Variants in CREB5 observed in about 807,000 individuals in gnomAD.
CREB5 encodes the protein cAMP responsive element binding protein 5, also known as cyclic AMP-responsive element-binding protein 5.
CREB5 carries 19 observed loss-of-function variants against 57.1 expected under a neutral mutation model. The ratio of observed to expected loss-of-function variants is 0.33; its 90% CI spans 0.23 to 0.49. The LOEUF is 0.49. CREB5 is among the 20% of genes least tolerant of loss of function. CREB5 has a pLI of 0.99. For missense variants in CREB5, 579 were observed against 671.6 expected (o/e 0.86, Z 1.52); for synonymous variants, 238 against 238.3 (o/e 1.00, Z 0.01).
chr7:28,440,054 A>G (rs1789121374), intron 1 of CREB5, among the ~76,000 whole-genome samples: 1 of 152,180 alleles, frequency 6.6e-6, no homozygotes, highest in South Asian at 2.1e-4. Context: ...GTTGAAAAAC[A>G]CTTTCTTCCA....
chr7:28,684,394 G>A (rs1800746623), intron 5 of CREB5, among the ~76,000 whole-genome samples: 1 of 152,216 alleles, frequency 6.6e-6, no homozygotes. Context: ...AATTGAGGAT[G>A]TCAAGCCAAA....
intron 1 of CREB5, among the ~76,000 whole-genome samples, chr7:28,482,334 GTTA>G (rs1289264074): frequency 6.6e-6 from 1 of 152,196 alleles, no homozygotes; most frequent in African/African-American, 2.4e-5. Context: ...TGTGTGTTGG[GTTA>G]TTATTGTGTG....
chr7:28,812,815 C>A (rs1266516692), intron 9 of CREB5, among the ~76,000 whole-genome samples: 2 of 152,120 alleles, frequency 1.3e-5, no homozygotes, highest in African/African-American at 4.8e-5. Context: ...TGAGGCTGGA[C>A]CAGTGAGCCA....
Position 28,401,199 on chromosome 7 carries a change from A to C in CREB5, c.-24-93707A>C, listed in dbSNP as rs902816142. ...TAAGAGCAACTTTTATAGGGATGTTAACATGCTAATACTCTTTGAGATAGG... is the reference window on the plus strand; with the variant it reads ...TAAGAGCAACTTTTATAGGGATGTTCACATGCTAATACTCTTTGAGATAGG... On this transcript the variant is annotated intron_variant, in intron 1 of 9. Coordinates refer to the CREB5 transcript ENST00000396299. Among the ~76,000 whole-genome samples, 4 of 152,244 alleles carry C rather than the reference A, an allele frequency of 2.6e-5. No homozygotes were observed. The East Asian group carries it at 7.7e-4, about 29-fold the overall frequency.
intron 5 of CREB5, among the ~76,000 whole-genome samples, chr7:28,627,569 A>G (rs1798048457): frequency 1.3e-5 from 2 of 152,198 alleles, no homozygotes; most frequent in South Asian, 4.1e-4. Flanking sequence ...TTGGCTCAGA[A>G]ATAAGTAAAA....
At chr7:28,727,962 T>C (rs1803415041) in intron 7 of CREB5, among the ~76,000 whole-genome samples, 1 of 150,118 alleles carries the variant, frequency 6.7e-6, no homozygotes, top group African/African-American at 2.5e-5. Context: ...GTTTGTTTGT[T>C]TGAGGCAGGA....
intron 4 of CREB5, among the ~76,000 whole-genome samples, chr7:28,533,543 C>T (rs565130698): frequency 1.1e-4 from 16 of 152,286 alleles, no homozygotes; most frequent in African/African-American, 3.8e-4. Flanking sequence ...ACAGGATTTC[C>T]GGAAGGACAT....
At chr7:28,754,326 T>TG (rs1805163981) in intron 7 of CREB5, among the ~76,000 whole-genome samples, 1 of 152,172 alleles carries the variant, frequency 6.6e-6, no homozygotes, top group Non-Finnish European at 1.5e-5. Context: ...GATGGCACTG[T>TG]GTGTCATGAA....
chr7:28,499,764 G>A (rs1792200794), intron 3 of CREB5, among the ~76,000 whole-genome samples: 1 of 152,090 alleles, frequency 6.6e-6, no homozygotes, highest in Non-Finnish European at 1.5e-5. Context: ...TGCATTTTTA[G>A]TAGAAATGGG....
At chr7:28,421,741 GC>G (rs1788256484) in intron 1 of CREB5, among the ~76,000 whole-genome samples, 1 of 130,994 alleles carries the variant, frequency 7.6e-6, no homozygotes, top group Non-Finnish European at 1.6e-5. Context: ...ATAGCCTTTA[GC>G]ACCATATATA....
At chr7:28,352,340 T>A (rs1786212366) in intron 1 of CREB5, among the ~76,000 whole-genome samples, 1 of 152,210 alleles carries the variant, frequency 6.6e-6, no homozygotes, top group South Asian at 2.1e-4. Flanking sequence ...AAGGGCTTCC[T>A]CTGGGCCAGC....
chr7:28,716,521 G>A (rs1318329464), intron 5 of CREB5, among the ~76,000 whole-genome samples: 3 of 152,208 alleles, frequency 2.0e-5, no homozygotes, highest in Non-Finnish European at 4.4e-5. Flanking sequence ...TGGATAGATG[G>A]ATGATTAGCT....
chr7:28,563,348 CA>C (rs1795352085), intron 4 of CREB5, among the ~76,000 whole-genome samples: 2 of 152,270 alleles, frequency 1.3e-5, no homozygotes, highest in South Asian at 4.2e-4. Flanking sequence ...TGATTATCTC[CA>C]TTTTAAAGAT....
intron 5 of CREB5, among the ~76,000 whole-genome samples, chr7:28,659,581 A>C (rs1213443106): frequency 6.6e-6 from 1 of 151,604 alleles, no homozygotes; most frequent in African/African-American, 2.4e-5. Flanking sequence ...TAAATATATA[A>C]CTCTTTGTGA....
intron 4 of CREB5, among the ~76,000 whole-genome samples, chr7:28,535,665 GAGAA>G (rs1245415417): frequency 6.6e-6 from 1 of 151,920 alleles, no homozygotes; most frequent in Non-Finnish European, 1.5e-5. Flanking sequence ...GAAGAGAAAA[GAGAA>G]AGGGCAAGAA....
At chr7:28,706,750 A>G (rs73304983) in intron 5 of CREB5, among the ~76,000 whole-genome samples, 8 of 152,344 alleles carry the variant, frequency 5.3e-5, no homozygotes, top group African/African-American at 1.9e-4. Context: ...AGGTTGCACA[A>G]GAGAGAGCAC....
intron 1 of CREB5, among the ~76,000 whole-genome samples, chr7:28,306,550 T>TG (rs1785188295): frequency 1.0e-5 from 1 of 95,240 alleles, no homozygotes; most frequent in African/African-American, 4.9e-5. Flanking sequence ...AGTTTTGTTT[T>TG]TTTTGTTTTT....
intron 1 of CREB5, among the ~76,000 whole-genome samples, chr7:28,398,263 G>T (rs182306697): frequency 6.6e-6 from 1 of 152,058 alleles, no homozygotes; most frequent in Non-Finnish European, 1.5e-5. Flanking sequence ...TTTGTGTCGG[G>T]CCTCATGAGT....
At chr7:28,661,284 A>G (rs1310627773) in intron 5 of CREB5, among the ~76,000 whole-genome samples, 4 of 152,312 alleles carry the variant, frequency 2.6e-5, no homozygotes, top group African/African-American at 4.8e-5. Context: ...CTCTGCTGCC[A>G]TAGCATTTAG....
Sources: allele counts gnomAD v4.1 joint callset (sites outside exome capture counted in the v4.1 genomes callset), GRCh38; gene constraint gnomAD v4.1.1; transcripts MANE v1.5; gene names NCBI Gene and HGNC (gene_info 2026-07-23, HGNC 2026-07-21).